ARHGEF7: variants seen among roughly 807,000 people sequenced by gnomAD.
ARHGEF7 encodes the protein PAK-interacting exchange factor beta.
In ARHGEF7, 33 loss-of-function variants were observed where a neutral mutation model predicts 109.8. That is an observed-to-expected ratio of 0.30 (90% CI 0.23 to 0.40). The LOEUF (loss-of-function observed/expected upper bound fraction) is 0.40, where lower values mean the gene tolerates loss of function less well. Ranked by LOEUF, ARHGEF7 falls within the 10% of genes least tolerant of loss-of-function variation. ARHGEF7 has a pLI of 1.00. For synonymous variants in ARHGEF7, 458 were observed against 424.6 expected (o/e 1.08, Z -0.97); for missense variants, 938 against 1,098.5 (o/e 0.85, Z 2.07).
Position 111,255,840 on chromosome 13 carries a change from C to T in ARHGEF7, c.950+11546C>T, listed in dbSNP as rs2090358891. On this transcript the variant is annotated intron_variant, in intron 8 of 21. Coordinates refer to ENST00000646102, the MANE Select transcript of ARHGEF7 (RefSeq NM_001354046.2). This position sits in a 1 kb window ranked among gnomAD's most constrained non-coding sequence, Gnocchi z 4.1. ...AGGTGGGGTCATGGTGCTTTCTTTT[C>T]AGTGCTGCGTTTCTCTTGGCTCTGT... Among the ~76,000 whole-genome samples, 1 of 152,154 alleles carries T rather than the reference C, an allele frequency of 6.6e-6. No homozygotes were observed. Among genetic ancestry groups the T allele is most frequent in the African/African-American group, 2.4e-5 (1 of 41,430 alleles).
intron 19 of ARHGEF7, chr13:111,292,746 G>T: frequency 9.9e-7 from 1 of 1,011,238 alleles, no homozygotes; most frequent in Non-Finnish European, 1.2e-6. Context: ...TATCTGTAGG[G>T]ACCTAAATTT....
intron 4 of ARHGEF7, among the ~76,000 whole-genome samples, chr13:111,213,843 C>T (rs1020558907): frequency 2.0e-5 from 3 of 152,160 alleles, no homozygotes; most frequent in Non-Finnish European, 4.4e-5. Flanking sequence ...TTAGGCTGAA[C>T]GTGGTAGTAT....
intron 17 of ARHGEF7, 96 bp from the exon 18 acceptor site, chr13:111,288,258 C>A: frequency 1.7e-6 from 1 of 590,806 alleles, no homozygotes; most frequent in South Asian, 3.8e-5. Context: ...CTTACTTGGT[C>A]ACTTTGGTCG....
At chr13:111,293,754 G>A (rs2093357998) in intron 19 of ARHGEF7, 1 of 985,378 alleles carries the variant, frequency 1.0e-6, no homozygotes, top group African/African-American at 1.7e-5. Context: ...ATTCCAGGTG[G>A]CCGTGATTTC....
chr13:111,291,847 T>A (rs1012076625), intron 18 of ARHGEF7, among the ~76,000 whole-genome samples: 5 of 152,324 alleles, frequency 3.3e-5, no homozygotes, highest in East Asian at 3.9e-4. Context: ...TATCTTTTTT[T>A]AAAAAAGCAG....
chr13:111,298,801 C>G lies in ARHGEF7; in HGVS notation c.2312-1947C>G, dbSNP rs138505355. 8.5e-5 allele frequency among the ~76,000 whole-genome samples: 13 copies of G among 152,264 alleles called. No individual in the cohort carries two copies. In the East Asian group the frequency reaches 2.1e-3, roughly 25 times the overall value. On this transcript the variant is annotated intron_variant, in intron 19 of 21. Coordinates refer to ENST00000646102, the MANE Select transcript of ARHGEF7 (RefSeq NM_001354046.2). Reference sequence around the variant, plus strand: ...CAGGTCTGCTGCTGCCAGCTGGTAGCACAGTGGAGACACAACAGCATGAGG... The same window carrying G: ...CAGGTCTGCTGCTGCCAGCTGGTAGGACAGTGGAGACACAACAGCATGAGG...
At chr13:111,301,650 T>C in intron 21 of ARHGEF7, 118 bp downstream of exon 21, 1 of 781,228 alleles carries the variant, frequency 1.3e-6, no homozygotes, top group South Asian at 1.8e-5. Flanking sequence ...CCCAGCACTT[T>C]AGAAGGCCGA....
intron 8 of ARHGEF7, among the ~76,000 whole-genome samples, chr13:111,246,666 T>G (rs1460792779): frequency 6.6e-6 from 1 of 152,250 alleles, no homozygotes; most frequent in Non-Finnish European, 1.5e-5. Flanking sequence ...TGGCATTACT[T>G]ACATGACCAT....
In ARHGEF7 at chr13:111,299,324, G is replaced by T. The variant is rs535750275; in HGVS notation, c.2312-1424G>T. Among the ~76,000 whole-genome samples, 9 of 151,422 alleles carry T rather than the reference G, an allele frequency of 5.9e-5. No individual in the cohort carries two copies. In the East Asian group the frequency reaches 1.8e-3, roughly 30 times the overall value. ...GAGCCTAAGCGTGCAGTAAAATGCTGGTGAAGCCATTCATTTTTTTTTTTT... is the reference window on the plus strand; with the variant it reads ...GAGCCTAAGCGTGCAGTAAAATGCTTGTGAAGCCATTCATTTTTTTTTTTT... On this transcript the variant is annotated intron_variant, in intron 19 of 21. Coordinates refer to ENST00000646102, the MANE Select transcript of ARHGEF7 (RefSeq NM_001354046.2).
intron 19 of ARHGEF7, chr13:111,295,291 A>G: frequency 9.2e-6 from 7 of 762,304 alleles, no homozygotes; most frequent in Non-Finnish European, 1.1e-5. Flanking sequence ...CATCTTCCAA[A>G]GGCAGGCAGG....
chr13:111,287,413 G>T (rs2093066602), intron 17 of ARHGEF7, among the ~76,000 whole-genome samples: 1 of 152,230 alleles, frequency 6.6e-6, no homozygotes, highest in Non-Finnish European at 1.5e-5. Flanking sequence ...CTGCAGCTGA[G>T]ACCATCGTTC....
At chr13:111,230,153 C>T (rs1428985735) in intron 5 of ARHGEF7, among the ~76,000 whole-genome samples, 1 of 152,034 alleles carries the variant, frequency 6.6e-6, no homozygotes, top group African/African-American at 2.4e-5. Context: ...TTCTTGTTTT[C>T]AGCATTTTTC....
intron 4 of ARHGEF7, 68 bp from the exon 5 acceptor site, chr13:111,217,611 T>C: frequency 7.2e-7 from 1 of 1,393,498 alleles, no homozygotes; most frequent in East Asian, 2.3e-5. Flanking sequence ...TAGTAAAGTA[T>C]AATCCATTTT....
chr13:111,201,612 G>A (rs542895330), intron 2 of ARHGEF7, among the ~76,000 whole-genome samples: 1 of 152,200 alleles, frequency 6.6e-6, no homozygotes, highest in Non-Finnish European at 1.5e-5. Context: ...TGATAAGTGA[G>A]ATTTGGTGTG....
At chr13:111,247,597 T>A (rs980475846) in intron 8 of ARHGEF7, among the ~76,000 whole-genome samples, 2 of 152,106 alleles carry the variant, frequency 1.3e-5, no homozygotes, top group Non-Finnish European at 2.9e-5. Context: ...CTTTTGATTT[T>A]TTTTTTTCGT....
At chr13:111,153,254 G>T (rs2075993318) in intron 1 of ARHGEF7, among the ~76,000 whole-genome samples, 1 of 152,206 alleles carries the variant, frequency 6.6e-6, no homozygotes, top group Non-Finnish European at 1.5e-5. Flanking sequence ...AGTTCTCTGG[G>T]GCCCCTCTGG....
At chr13:111,175,318 C>T (rs1012680612) in intron 2 of ARHGEF7, among the ~76,000 whole-genome samples, 4 of 152,130 alleles carry the variant, frequency 2.6e-5, no homozygotes, top group African/African-American at 9.7e-5. Context: ...GAATTCCTGG[C>T]GCTGATGGAA....
intron 1 of ARHGEF7, among the ~76,000 whole-genome samples, chr13:111,137,430 G>A (rs145338101): frequency 7.9e-5 from 12 of 152,348 alleles, no homozygotes; most frequent in Non-Finnish European, 1.0e-4. Context: ...TCACCTGGGC[G>A]TCTTTTCCGT....
At chr13:111,275,780 G>A in intron 12 of ARHGEF7, 102 bp downstream of exon 12, 1 of 1,428,952 alleles carries the variant, frequency 7.0e-7, no homozygotes, top group African/African-American at 1.4e-5. Flanking sequence ...ATGTCTAATA[G>A]AAGCTCTATC....
Sources: allele counts gnomAD v4.1 joint callset (sites outside exome capture counted in the v4.1 genomes callset), GRCh38; gene constraint gnomAD v4.1.1; non-coding constraint Gnocchi (gnomAD v3.1); transcripts MANE v1.5; gene names NCBI Gene and HGNC (gene_info 2026-07-23, HGNC 2026-07-21).